The following ADAM2 variants were observed in gnomAD, a reference collection of about 807,000 sequenced individuals.
ADAM2 encodes disintegrin and metalloproteinase domain-containing protein 2.
Under a neutral mutation model 99.3 loss-of-function variants are expected in ADAM2, and 101 were observed. The observed-to-expected ratio is 1.02, with a 90% confidence interval of 0.87 to 1.20. The LOEUF (loss-of-function observed/expected upper bound fraction) is 1.20. Ranked by LOEUF, ADAM2 falls within the 50% of genes most tolerant of loss-of-function variation. The pLI, the probability that ADAM2 is intolerant of heterozygous loss-of-function variation, is 0.00. For missense variants in ADAM2, 948 were observed against 878.7 expected, an observed-to-expected ratio of 1.08 and a Z score of -1.00; for synonymous variants, 323 against 287.6, an observed-to-expected ratio of 1.12 and a Z score of -1.25.
At chr8:39,744,438 AC>A (rs559212737) in intron 20 of ADAM2, among the ~76,000 whole-genome samples, 5 of 150,546 alleles carry the variant, frequency 3.3e-5, no homozygotes, top group Non-Finnish European at 4.4e-5. Context: ...CCTCCCCCCA[AC>A]CCCCCCATCC....
At chr8:39,833,785 G>T (rs1334491649) in intron 3 of ADAM2, among the ~76,000 whole-genome samples, 159 bp downstream of exon 3, 2 of 151,990 alleles carry the variant, frequency 1.3e-5, no homozygotes, top group African/African-American at 4.8e-5. Context: ...CAAGTTCTAG[G>T]TATGTATCAT....
intron 11 of ADAM2, among the ~76,000 whole-genome samples, chr8:39,771,648 G>A (rs998720421): frequency 4.6e-5 from 7 of 152,150 alleles, no homozygotes; most frequent in Middle Eastern, 3.4e-3. Flanking sequence ...CGAAGACCTC[G>A]AATAAATTTA....
intron 16 of ADAM2, among the ~76,000 whole-genome samples, chr8:39,750,492 G>A (rs1823691062): frequency 6.6e-6 from 1 of 152,128 alleles, no homozygotes; most frequent in South Asian, 2.1e-4. Context: ...TTACATATTG[G>A]AAGAAGGAAA....
chr8:39,750,304 C>T (rs919316110), intron 16 of ADAM2, among the ~76,000 whole-genome samples: 13 of 151,996 alleles, frequency 8.6e-5, no homozygotes, highest in African/African-American at 3.1e-4. Context: ...TACAAATGTA[C>T]CTGGCCCCAA....
intron 6 of ADAM2, among the ~76,000 whole-genome samples, chr8:39,816,974 C>A (rs910534807): frequency 6.6e-5 from 10 of 152,024 alleles, no homozygotes; most frequent in Non-Finnish European, 1.0e-4. Context: ...TTAGACTAGC[C>A]ACTAAAATTA....
chr8:39,836,944 T>A (rs969378719), intron 2 of ADAM2, among the ~76,000 whole-genome samples, 192 bp downstream of exon 2: 1 of 152,216 alleles, frequency 6.6e-6, no homozygotes, highest in Non-Finnish European at 1.5e-5. Context: ...ATAACCAGCA[T>A]CACTGCACCA....
chr8:39,784,417 G>C (rs572532816), intron 10 of ADAM2, among the ~76,000 whole-genome samples: 2 of 152,224 alleles, frequency 1.3e-5, no homozygotes, highest in East Asian at 1.9e-4. Context: ...GTCTTGCTCT[G>C]TTGCCCAGGC....
rs1268222667 is a variant in ADAM2 at position 39,824,551 on chromosome 8, C to G, written c.267+268G>C. On this transcript the variant is annotated intron_variant, in intron 4 of 20. Transcript: ENST00000265708. ...ATGGTTTTTCATTTTACATATTTCA[C>G]AACATATTTAGTCCCTATCACCTCA... Among the ~76,000 whole-genome samples the G allele has an allele frequency of 4.6e-5, 7 of 152,258 alleles. No homozygotes were observed. In the East Asian group the frequency reaches 1.4e-3, roughly 29 times the overall value.
At chr8:39,766,655 G>T (rs866662064) in intron 14 of ADAM2, among the ~76,000 whole-genome samples, 193 bp downstream of exon 14, 4 of 151,958 alleles carry the variant, frequency 2.6e-5, no homozygotes, top group Admixed American at 2.6e-4. Context: ...TGATCTGCCC[G>T]CCTCGGCCTC....
chr8:39,796,793 T>C (rs1177936807), intron 7 of ADAM2, among the ~76,000 whole-genome samples: 1 of 152,240 alleles, frequency 6.6e-6, no homozygotes, highest in Non-Finnish European at 1.5e-5. Context: ...TGATTATTAG[T>C]GATGTGGAGC....
intron 6 of ADAM2, among the ~76,000 whole-genome samples, chr8:39,810,340 C>T (rs1379843288): frequency 6.6e-6 from 1 of 152,156 alleles, no homozygotes; most frequent in Non-Finnish European, 1.5e-5. Context: ...TAATGGGCGA[C>T]TTTAACACCC....
At chr8:39,772,581 T>TCAAA (rs1326462337) in intron 11 of ADAM2, among the ~76,000 whole-genome samples, 17 of 152,176 alleles carry the variant, frequency 1.1e-4, no homozygotes, top group African/African-American at 4.1e-4. Context: ...TAAACTTTTC[T>TCAAA]TTGATTGTAG....
intron 14 of ADAM2, among the ~76,000 whole-genome samples, chr8:39,762,975 T>A (rs376844358): frequency 6.6e-6 from 1 of 152,174 alleles, no homozygotes; most frequent in East Asian, 1.9e-4. Context: ...AAGGGGTCGG[T>A]GATGTTTTAA....
chr8:39,814,360 G>GAA (rs746356190), intron 6 of ADAM2, among the ~76,000 whole-genome samples: 1 of 125,542 alleles, frequency 8.0e-6, no homozygotes, highest in Non-Finnish European at 1.7e-5. Context: ...CTCTGTCTCA[G>GAA]AAAAAAAAAA....
chr8:39,773,216 T>C (rs1223552323), intron 11 of ADAM2, among the ~76,000 whole-genome samples: 1 of 151,618 alleles, frequency 6.6e-6, no homozygotes, highest in Non-Finnish European at 1.5e-5. Flanking sequence ...TCACAAAAAA[T>C]TGAAAATATT....
chr8:39,781,944 G>A (rs552962671), intron 10 of ADAM2, among the ~76,000 whole-genome samples: 1 of 152,250 alleles, frequency 6.6e-6, no homozygotes, highest in African/African-American at 2.4e-5. Context: ...TATTACAAAG[G>A]CACAACTGTA....
intron 6 of ADAM2, among the ~76,000 whole-genome samples, chr8:39,819,598 G>A (rs1586151507): frequency 6.6e-6 from 1 of 152,054 alleles, no homozygotes; most frequent in Non-Finnish European, 1.5e-5. Flanking sequence ...TCATTATGTG[G>A]GTGAACTTCA....
intron 11 of ADAM2, among the ~76,000 whole-genome samples, chr8:39,771,353 CCAA>C (rs1261343141): frequency 1.3e-5 from 2 of 152,280 alleles, no homozygotes; most frequent in African/African-American, 4.8e-5. Context: ...AGAATATTTA[CCAA>C]CAACTGGAAT....
At chr8:39,771,351 T>C (rs1050851163) in intron 11 of ADAM2, among the ~76,000 whole-genome samples, 2 of 152,236 alleles carry the variant, frequency 1.3e-5, no homozygotes, top group African/African-American at 4.8e-5. Flanking sequence ...TCAGAATATT[T>C]ACCAACAACT....
Sources: gnomAD v4.1 joint callset for allele counts (sites outside exome capture counted in the v4.1 genomes callset) on GRCh38, gnomAD v4.1.1 for gene constraint, MANE v1.5 for transcripts, NCBI Gene and HGNC (gene_info 2026-07-23, HGNC 2026-07-21) for gene names.